The following BBS9 variants were observed in gnomAD, a reference collection of about 807,000 sequenced individuals.
The protein encoded by BBS9 is protein PTHB1.
BBS9 carries 89 observed loss-of-function variants against 117.7 expected under a neutral mutation model. The observed-to-expected ratio is 0.76, with a 90% CI of 0.64 to 0.90. The LOEUF (loss-of-function observed/expected upper bound fraction) is 0.90. Among genes scored for constraint, BBS9 ranks in the 40% least tolerant of loss-of-function variants. The pLI is 0.00. For synonymous variants in BBS9, 379 were observed against 370.9 expected (o/e 1.02, Z -0.25); for missense variants, 982 against 1,042.2 (o/e 0.94, Z 0.80).
At chr7:33,362,080 T>C (rs1205284808) in intron 16 of BBS9, among the ~76,000 whole-genome samples, 1 of 152,170 alleles carries the variant, frequency 6.6e-6, no homozygotes, top group Non-Finnish European at 1.5e-5. Flanking sequence ...CTGATCTGCT[T>C]TCTGTTACTA....
chr7:33,256,937 A>G (rs911217248), intron 5 of BBS9, among the ~76,000 whole-genome samples: 1 of 152,104 alleles, frequency 6.6e-6, no homozygotes, highest in African/African-American at 2.4e-5. Context: ...GTTTTCTATG[A>G]TAAACTGTAT....
intron 21 of BBS9, among the ~76,000 whole-genome samples, chr7:33,596,385 A>ATCTG (rs879939341): frequency 2.0e-5 from 3 of 150,762 alleles, no homozygotes; most frequent in Non-Finnish European, 4.4e-5. Flanking sequence ...CTATCTATCT[A>ATCTG]TCTATCTATA....
intron 16 of BBS9, among the ~76,000 whole-genome samples, chr7:33,359,420 T>C (rs1476895556): frequency 2.0e-5 from 3 of 152,034 alleles, no homozygotes; most frequent in African/African-American, 7.2e-5. Context: ...CTTAGATGAC[T>C]TATCCATTTT....
rs567602866 is a variant in BBS9, at chr7:33,346,359, C to T, written c.1329+1725C>T. 22 of 417,090 alleles carry T rather than the reference C, an allele frequency of 5.3e-5. No individual in the cohort carries two copies. The East Asian group carries it at 1.6e-3, about 31-fold the overall frequency. The allele number at this position is 417,090 out of a possible 1,614,324, so 25.8% of individuals were successfully genotyped here. A position where few individuals can be genotyped will look rare whatever the true frequency, so the allele number is the denominator to read the frequency against. On this transcript the variant is annotated intron_variant, in intron 12 of 22. Coordinates refer to ENST00000242067, the MANE Select transcript of BBS9 (RefSeq NM_198428.3). ...TGTGCATGATGCGTGACCATCTATT[C>T]CAGGCAACTAGGCGAGTGGTTGTTC...
chr7:33,505,148 G>C (rs1199533580), intron 19 of BBS9, among the ~76,000 whole-genome samples: 2 of 152,060 alleles, frequency 1.3e-5, no homozygotes, highest in Non-Finnish European at 2.9e-5. Context: ...TTTATTAGAG[G>C]TTACTTATAT....
At chr7:33,149,769 A>G (rs1793007078) in intron 2 of BBS9, among the ~76,000 whole-genome samples, 1 of 152,234 alleles carries the variant, frequency 6.6e-6, no homozygotes, top group African/African-American at 2.4e-5. Flanking sequence ...CTTATCTGAG[A>G]TCTGGTTACT....
intron 20 of BBS9, among the ~76,000 whole-genome samples, chr7:33,528,625 A>C (rs574640871): frequency 4.7e-4 from 72 of 152,348 alleles, no homozygotes; most frequent in African/African-American, 1.6e-3. Context: ...TCTTCCACTT[A>C]AGATTTCAGA....
chr7:33,409,093 C>A (rs1304258080), intron 19 of BBS9, among the ~76,000 whole-genome samples: 4 of 152,008 alleles, frequency 2.6e-5, no homozygotes, highest in African/African-American at 7.2e-5. Flanking sequence ...TCCTTTATCT[C>A]ATTCTTTAGG....
rs561469228 is a variant in BBS9, at chr7:33,507,605, T to C, written c.2298+1960T>C. On this transcript the variant is annotated intron_variant, in intron 20 of 22. Coordinates refer to ENST00000242067, the MANE Select transcript of BBS9 (RefSeq NM_198428.3). ...TCACAACTACACTTAAGAATGATAA[T>C]ATCTTATTCCTTTTTATATCCTCAG... Among the ~76,000 whole-genome samples, 15 of 152,308 alleles carry C rather than the reference T, an allele frequency of 9.8e-5. No individual in the cohort carries two copies. In the South Asian group the frequency reaches 3.1e-3, roughly 32 times the overall value.
intron 17 of BBS9, among the ~76,000 whole-genome samples, chr7:33,375,948 A>G (rs1195990895): frequency 6.6e-6 from 1 of 152,136 alleles, no homozygotes; most frequent in Non-Finnish European, 1.5e-5. Flanking sequence ...TATGTTGATG[A>G]AAAATTAAGA....
At chr7:33,482,509 T>C (rs916860564) in intron 19 of BBS9, among the ~76,000 whole-genome samples, 1 of 152,166 alleles carries the variant, frequency 6.6e-6, no homozygotes, top group African/African-American at 2.4e-5. Context: ...AGTTGTATAA[T>C]TGAGACAAAA....
intron 9 of BBS9, among the ~76,000 whole-genome samples, chr7:33,317,617 C>G (rs1167488051): frequency 2.0e-5 from 3 of 152,210 alleles, no homozygotes; most frequent in Non-Finnish European, 4.4e-5. Flanking sequence ...TCTCCTCTCT[C>G]TTCCCATCCA....
intron 19 of BBS9, among the ~76,000 whole-genome samples, chr7:33,492,265 A>AAATAAT (rs1336778749): frequency 1.3e-5 from 2 of 151,640 alleles, no homozygotes; most frequent in African/African-American, 4.8e-5. Flanking sequence ...AGGGAATAAT[A>AAATAAT]AATAATAATA....
chr7:33,625,277 A>G (rs1467869142), intron 21 of BBS9, among the ~76,000 whole-genome samples: 1 of 152,162 alleles, frequency 6.6e-6, no homozygotes, highest in Non-Finnish European at 1.5e-5. Context: ...AGGTTTATAA[A>G]TAATAATAAA....
intron 9 of BBS9, among the ~76,000 whole-genome samples, chr7:33,287,178 T>A (rs550084443): frequency 6.6e-6 from 1 of 152,288 alleles, no homozygotes; most frequent in East Asian, 1.9e-4. Flanking sequence ...AAAATTAGAA[T>A]CAAAAGGAAA....
chr7:33,529,257 G>T (rs376217470), intron 20 of BBS9, among the ~76,000 whole-genome samples: 1 of 152,306 alleles, frequency 6.6e-6, no homozygotes, highest in South Asian at 2.1e-4. Flanking sequence ...CCATGTTGGG[G>T]GATGCATACA....
chr7:33,631,027 C>A (rs1467392864), intron 21 of BBS9, among the ~76,000 whole-genome samples: 2 of 152,152 alleles, frequency 1.3e-5, no homozygotes, highest in African/African-American at 4.8e-5. Flanking sequence ...GCTACCGAGG[C>A]AAAGCACAGG....
At chr7:33,187,870 C>T (rs553658457) in intron 5 of BBS9, among the ~76,000 whole-genome samples, 2 of 151,764 alleles carry the variant, frequency 1.3e-5, no homozygotes, top group East Asian at 1.9e-4. Flanking sequence ...TGCAGTGAGC[C>T]GAGATTGCAT....
At chr7:33,313,678 T>G (rs1019819568) in intron 9 of BBS9, among the ~76,000 whole-genome samples, 1 of 152,232 alleles carries the variant, frequency 6.6e-6, no homozygotes, top group Non-Finnish European at 1.5e-5. Flanking sequence ...TCTTGCTGCT[T>G]TGATATCTTT....
Sources: gnomAD v4.1 joint callset for allele counts (sites outside exome capture counted in the v4.1 genomes callset) on GRCh38, gnomAD v4.1.1 for gene constraint, MANE v1.5 for transcripts, NCBI Gene and HGNC (gene_info 2026-07-23, HGNC 2026-07-21) for gene names.